The following RAD52 variants were observed in gnomAD, a reference collection of about 807,000 sequenced individuals.
RAD52 encodes the protein DNA repair protein RAD52 homolog.
A neutral mutation model predicts 55.5 loss-of-function variants in RAD52; 47 were observed. The ratio of observed to expected loss-of-function variants is 0.85; its 90% CI spans 0.67 to 1.08. RAD52 has a LOEUF of 1.08. Among genes scored for constraint, RAD52 ranks in the 50% least tolerant of loss-of-function variants. RAD52 has a pLI of 0.00. For missense variants in RAD52, 468 were observed against 522.8 expected (o/e 0.90, Z 1.02); for synonymous variants, 184 against 198.9 (o/e 0.92, Z 0.63).
chr12:965,895 A>G (rs868386910), intron 1 of RAD52, among the ~76,000 whole-genome samples: 3 of 152,034 alleles, frequency 2.0e-5, no homozygotes, highest in Non-Finnish European at 4.4e-5. Flanking sequence ...CCTGTTGGCC[A>G]GGCTGATCTC....
chr12:919,563 A>G (rs1956596960), intron 7 of RAD52, among the ~76,000 whole-genome samples: 1 of 152,030 alleles, frequency 6.6e-6, no homozygotes, highest in Admixed American at 6.6e-5. Context: ...CAGCCTGGCC[A>G]ACACAGCAAA....
chr12:990,610 C>A (rs908452551), upstream of RAD52: 2 of 152,210 alleles, frequency 1.3e-5, no homozygotes, highest in Non-Finnish European at 2.9e-5. Flanking sequence ...TGCCCGTGTG[C>A]GCAGCCCCGC....
At chr12:986,186 G>T (rs1321586946) in intron 1 of RAD52, among the ~76,000 whole-genome samples, 1 of 151,406 alleles carries the variant, frequency 6.6e-6, no homozygotes. Context: ...CACCTGCCTC[G>T]GCCTCCCAAA....
chr12:965,874 A>G (rs1371285220), intron 1 of RAD52, among the ~76,000 whole-genome samples: 1 of 151,866 alleles, frequency 6.6e-6, no homozygotes, highest in Non-Finnish European at 1.5e-5. Context: ...TTTAGTAGAG[A>G]CAGGGTTTCG....
chr12:963,824 TA>T (rs372579759), intron 1 of RAD52, among the ~76,000 whole-genome samples: 249 of 142,104 alleles, frequency 1.8e-3, no homozygotes, highest in Middle Eastern at 3.5e-3. Flanking sequence ...TATCGGCAAG[TA>T]AAAAAAAAAA....
At chr12:939,083 T>TGTGC (rs1402907173) in intron 1 of RAD52, among the ~76,000 whole-genome samples, 14 of 127,796 alleles carry the variant, frequency 1.1e-4, no homozygotes, top group Non-Finnish European at 2.3e-4. Flanking sequence ...TGTGTGTGTG[T>TGTGC]GTAGAGAGAG....
In RAD52 at chr12:933,070, T is replaced by C; in HGVS notation, c.-12A>G. 2.5e-6 allele frequency: 4 copies of C among 1,605,610 alleles called. No homozygotes were observed. Among genetic ancestry groups the C allele is most frequent in the Non-Finnish European group, 3.4e-6 (4 of 1,173,546 alleles). Reference sequence around the variant, plus strand: ...TCAGTCCCAGACATCTTGATTCTGGTTGACCTCTATATAAATAAAAAGCGG... The same window carrying C: ...TCAGTCCCAGACATCTTGATTCTGGCTGACCTCTATATAAATAAAAAGCGG... On this transcript the variant is annotated 5_prime_UTR_variant, in exon 2 of 12. Transcript: ENST00000358495.
intron 9 of RAD52, 41 bp from the exon 10 acceptor site, chr12:914,573 A>G (rs1001874374): frequency 1.9e-6 from 3 of 1,609,992 alleles, no homozygotes; most frequent in Non-Finnish European, 2.5e-6. Flanking sequence ...TCATCATCAC[A>G]TCACTGCATG....
rs1165422576 is a variant in RAD52, at chr12:913,393, A to G, written c.1255T>C (p.Ter419GlnextTer42). The G allele has an allele frequency of 6.2e-7, 1 of 1,603,126 alleles. No individual in the cohort carries two copies. The highest frequency in any genetic ancestry group is 8.5e-7 in the Non-Finnish European group (1 of 1,170,266). The change falls in exon 12 of 12, where the codon TAA becomes CAA. Residue 419 changes from the stop codon to glutamine (Q), a stop_lost. Coordinates refer to ENST00000358495, the MANE Select transcript of RAD52 (RefSeq NM_134424.4). ...CAATTATGTGGCCTGAGCCTCAGTT[A>G]AGATGGATCATATTTCCTTTTCTTC... is the stretch of plus-strand genomic sequence containing the variant. ...DMKKRKYDPS* is the reference protein window; with the variant it reads ...DMKKRKYDPSQ
upstream of RAD52, among the ~76,000 whole-genome samples, chr12:950,897 C>T (rs1463201596): frequency 6.6e-6 from 1 of 152,022 alleles, no homozygotes; most frequent in Non-Finnish European, 1.5e-5. Context: ...ATTATCTCCC[C>T]CAGCCCCTTA....
At chr12:945,601 T>A (rs998490532) in intron 1 of RAD52, among the ~76,000 whole-genome samples, 1 of 151,078 alleles carries the variant, frequency 6.6e-6, no homozygotes, top group Admixed American at 6.6e-5. Context: ...ACCCAGCTAA[T>A]TTTCTGTACT....
At chr12:949,296 A>T (rs117744225) in intron 1 of RAD52, 1 of 152,212 alleles carries the variant, frequency 6.6e-6, no homozygotes, top group Non-Finnish European at 1.5e-5. Flanking sequence ...GCCTGTCTGC[A>T]GGCAGCATCT....
upstream of RAD52, among the ~76,000 whole-genome samples, chr12:951,472 C>T (rs1363111455): frequency 1.3e-5 from 2 of 152,182 alleles, no homozygotes; most frequent in East Asian, 3.8e-4. Context: ...GCTTTCTTCA[C>T]ATATTTAGAA....
chr12:960,634 GT>G lies in RAD52; in HGVS notation c.-18-27559del, dbSNP rs575092145. On this transcript the variant is annotated intron_variant, in intron 1 of 11. Coordinates refer to the RAD52 transcript ENST00000430095. ...CATGCCACCACACCCTATTTTTGTTGTTGTTGTTGTTTGTAAAGACAGGGTC... is the reference window on the plus strand; with the variant it reads ...CATGCCACCACACCCTATTTTTGTTGTGTTGTTGTTTGTAAAGACAGGGTC... 4.6e-5 allele frequency among the ~76,000 whole-genome samples: 7 copies of G among 152,180 alleles called. No individual in the cohort carries two copies. The South Asian group carries it at 1.5e-3, about 32-fold the overall frequency.
chr12:915,473 T>C (rs1956308009), intron 9 of RAD52, among the ~76,000 whole-genome samples: 1 of 152,182 alleles, frequency 6.6e-6, no homozygotes, highest in South Asian at 2.1e-4. Flanking sequence ...TCGATGGGTC[T>C]GAGACAAGCC....
At chr12:984,517 A>G (rs1207053633) in intron 1 of RAD52, among the ~76,000 whole-genome samples, 4 of 150,200 alleles carry the variant, frequency 2.7e-5, no homozygotes, top group Non-Finnish European at 5.9e-5. Context: ...TATAAATTTG[A>G]CTACTTTAGG....
intron 1 of RAD52, among the ~76,000 whole-genome samples, chr12:982,751 G>C (rs1038498775): frequency 7.1e-6 from 1 of 141,684 alleles, no homozygotes; most frequent in Admixed American, 7.9e-5. Context: ...TTGCAGCCTC[G>C]ACCTCCCAGG....
intron 1 of RAD52, among the ~76,000 whole-genome samples, chr12:941,430 T>C (rs1409088687): frequency 6.7e-6 from 1 of 150,232 alleles, no homozygotes; most frequent in African/African-American, 2.5e-5. Context: ...GTGATTCTCC[T>C]GCCTCAGCCT....
rs1958948909 is a variant in RAD52 at position 977,421 on chromosome 12, G to A, written c.-19+12388C>T. Reference sequence around the variant, plus strand: ...ACGCTGCCATTTTGCACCTTACCATGCTTGCCTGGCCATGTCCCCTGAGGA... The same window carrying A: ...ACGCTGCCATTTTGCACCTTACCATACTTGCCTGGCCATGTCCCCTGAGGA... On this transcript the variant is annotated intron_variant, in intron 1 of 11. Transcript: ENST00000430095. Among the ~76,000 whole-genome samples the A allele has an allele frequency of 2.0e-5, 3 of 152,282 alleles. No individual in the cohort carries two copies. The South Asian group carries it at 6.2e-4, about 32-fold the overall frequency.
Sources: allele counts gnomAD v4.1 joint callset (sites outside exome capture counted in the v4.1 genomes callset), GRCh38; gene constraint gnomAD v4.1.1; transcripts MANE v1.5; gene names NCBI Gene and HGNC (gene_info 2026-07-23, HGNC 2026-07-21).